The following FGF12 variants were observed in gnomAD, a reference collection of about 807,000 sequenced individuals.
FGF12 encodes fibroblast growth factor 12B.
Under a neutral mutation model 23.6 loss-of-function variants are expected in FGF12, and 14 were observed. The observed-to-expected ratio is 0.59, with a 90% CI of 0.39 to 0.93. FGF12 has a LOEUF of 0.93. Ranked by LOEUF, FGF12 falls within the 40% of genes least tolerant of loss-of-function variation. The probability of loss-of-function intolerance (pLI) is 0.00; values close to 1 mark genes in which losing one functional copy is unlikely to be tolerated. For synonymous variants in FGF12, 62 were observed against 77.3 expected (o/e 0.80, Z 1.04); for missense variants, 175 against 217.8 (o/e 0.80, Z 1.24).
At chr3:192,290,817 T>C (rs908033679) in intron 4 of FGF12, among the ~76,000 whole-genome samples, 2 of 152,218 alleles carry the variant, frequency 1.3e-5, no homozygotes, top group Admixed American at 1.3e-4. Flanking sequence ...ATGCAGGTTG[T>C]ATCCTTGTTA....
intron 4 of FGF12, among the ~76,000 whole-genome samples, chr3:192,247,194 C>T (rs1469601982): frequency 6.6e-6 from 1 of 152,070 alleles, no homozygotes; most frequent in African/African-American, 2.4e-5. Context: ...TGATGGGAAA[C>T]ATTTGTGTAG....
intron 2 of FGF12, among the ~76,000 whole-genome samples, chr3:192,509,427 A>G (rs545324997): frequency 1.3e-5 from 2 of 152,358 alleles, no homozygotes; most frequent in African/African-American, 4.8e-5. Flanking sequence ...GCAAAACTGC[A>G]GCAGTGATGA....
At chr3:192,665,474 G>A (rs1716833181) in intron 2 of FGF12, among the ~76,000 whole-genome samples, 1 of 152,088 alleles carries the variant, frequency 6.6e-6, no homozygotes, top group Admixed American at 6.5e-5. Flanking sequence ...CATGGATGAA[G>A]TTGAAAACCT....
At chr3:192,720,955 C>T (rs760777615) in intron 2 of FGF12, among the ~76,000 whole-genome samples, 9 of 152,124 alleles carry the variant, frequency 5.9e-5, no homozygotes, top group Non-Finnish European at 1.3e-4. Flanking sequence ...GTTTTAAACC[C>T]ATCCAAGGTG....
chr3:192,716,827 G>A (rs1373277275), intron 2 of FGF12, among the ~76,000 whole-genome samples: 2 of 152,312 alleles, frequency 1.3e-5, no homozygotes, highest in African/African-American at 2.4e-5. Context: ...AAGTTACAGA[G>A]ACTAAAAAGT....
At chr3:192,506,993 G>A (rs1413607676) in intron 2 of FGF12, among the ~76,000 whole-genome samples, 2 of 150,640 alleles carry the variant, frequency 1.3e-5, no homozygotes, top group African/African-American at 2.4e-5. Context: ...CTGGGTTCAC[G>A]CCATTCTCCT....
intron 4 of FGF12, among the ~76,000 whole-genome samples, chr3:192,327,951 G>A (rs1203984727): frequency 6.6e-6 from 1 of 152,176 alleles, no homozygotes; most frequent in East Asian, 1.9e-4. Flanking sequence ...TCCTAGATGC[G>A]AATGTCAAGG....
At chr3:192,511,222 TACACACACACACACAC>T (rs5855433) in intron 2 of FGF12, among the ~76,000 whole-genome samples, 2 of 149,562 alleles carry the variant, frequency 1.3e-5, no homozygotes, top group Non-Finnish European at 3.0e-5. Flanking sequence ...CAATTGTGTG[TACACACACACACACAC>T]ACACACACAC....
At chr3:192,532,402 T>C (rs1267255087) in intron 2 of FGF12, among the ~76,000 whole-genome samples, 1 of 152,222 alleles carries the variant, frequency 6.6e-6, no homozygotes, top group East Asian at 1.9e-4. Flanking sequence ...TCTTTCCATT[T>C]CTTTGTGTCA....
At chr3:192,703,750 T>C (rs1718377672) in intron 2 of FGF12, among the ~76,000 whole-genome samples, 1 of 152,210 alleles carries the variant, frequency 6.6e-6, no homozygotes, top group Admixed American at 6.5e-5. Context: ...GATTGGATTG[T>C]AGGGACAGTT....
At chr3:192,482,414 G>T (rs1232546984) in intron 2 of FGF12, among the ~76,000 whole-genome samples, 1 of 151,890 alleles carries the variant, frequency 6.6e-6, no homozygotes, top group African/African-American at 2.4e-5. Context: ...CAGGAAGATC[G>T]CTTGAGGTCA....
At chr3:192,268,562 ACT>A in intron 4 of FGF12, 1 of 225,446 alleles carries the variant, frequency 4.4e-6, no homozygotes. Flanking sequence ...TGATAAGTGA[ACT>A]CTCTCTCTGA....
At chr3:192,561,907 TAAAGAAAAAAAG>T (rs150235053) in intron 2 of FGF12, among the ~76,000 whole-genome samples, 24,694 of 139,264 alleles carry the variant, frequency 0.18, 2,354 homozygotes, top group East Asian at 0.35. Context: ...ATAATAATAA[TAAAGAAAAAAAG>T]AAAGAAAAAA....
At chr3:192,224,958 G>A (rs536980981) in intron 4 of FGF12, among the ~76,000 whole-genome samples, 3 of 152,114 alleles carry the variant, frequency 2.0e-5, no homozygotes, top group Admixed American at 6.6e-5. Context: ...GAATTCTGAC[G>A]TAATACATGT....
intron 2 of FGF12, chr3:192,407,876 G>C (rs1721028162): frequency 2.3e-6 from 2 of 862,204 alleles, no homozygotes; most frequent in African/African-American, 3.4e-5. Context: ...AACTGACAGA[G>C]TGGTTGAAAG....
At chr3:192,590,622 T>C (rs1002690089) in intron 2 of FGF12, among the ~76,000 whole-genome samples, 2 of 151,934 alleles carry the variant, frequency 1.3e-5, no homozygotes, top group African/African-American at 4.8e-5. Context: ...ACATCCATCT[T>C]TAAAACGAAT....
chr3:192,451,486 G>A (rs139130607), intron 2 of FGF12, among the ~76,000 whole-genome samples: 1 of 152,268 alleles, frequency 6.6e-6, no homozygotes, highest in Non-Finnish European at 1.5e-5. Context: ...GAACTTATTT[G>A]ATGTCATTAT....
Position 192,213,503 on chromosome 3 carries a change from GAGTA to G in FGF12, c.229-42851_229-42848del, listed in dbSNP as rs757852961. Among the ~76,000 whole-genome samples, 26 of 152,162 alleles carry G rather than the reference GAGTA, an allele frequency of 1.7e-4. No individual in the cohort carries two copies. The East Asian group carries it at 3.1e-3, about 18-fold the overall frequency. ...CATTTCATTCGCACAGCCATTTCCA[GAGTA>G]AGTATTATTTTTCCACTATAGTGAT... On this transcript the variant is annotated intron_variant, in intron 4 of 5. Coordinates refer to ENST00000445105, the MANE Select transcript of FGF12 (RefSeq NM_004113.6).
intron 2 of FGF12, among the ~76,000 whole-genome samples, chr3:192,570,882 T>G (rs1560154090): frequency 6.6e-6 from 1 of 152,214 alleles, no homozygotes; most frequent in Non-Finnish European, 1.5e-5. Flanking sequence ...TTAATAACTA[T>G]TCTAAGCTGG....
Sources: gnomAD v4.1 joint callset for allele counts (sites outside exome capture counted in the v4.1 genomes callset) on GRCh38, gnomAD v4.1.1 for gene constraint, MANE v1.5 for transcripts, NCBI Gene and HGNC (gene_info 2026-07-23, HGNC 2026-07-21) for gene names.